The following CAMKK2 variants were observed in gnomAD, a reference collection of about 807,000 sequenced individuals.
CAMKK2 encodes the protein calcium/calmodulin-dependent protein kinase kinase 2.
In CAMKK2, 30 loss-of-function variants were observed where a neutral mutation model predicts 67.2. The ratio of observed to expected loss-of-function variants is 0.45; its 90% CI spans 0.33 to 0.61. CAMKK2 has a LOEUF of 0.61. CAMKK2 is among the 20% of genes least tolerant of loss of function. The pLI is 0.02. For missense variants in CAMKK2, 643 were observed against 802.0 expected, an observed-to-expected ratio of 0.80 and a Z score of 2.39; for synonymous variants, 322 against 326.2, an observed-to-expected ratio of 0.99 and a Z score of 0.14.
chr12:121,255,194 T>TTATATATATAATTATATATATAATTTTA (rs1891627997), intron 9 of CAMKK2, among the ~76,000 whole-genome samples: 1 of 62,290 alleles, frequency 1.6e-5, no homozygotes, highest in Non-Finnish European at 2.9e-5. Context: ...AAACTCCCCT[T>TTATATATATAATTATATATATAATTTTA]TATATATATA....
intron 1 of CAMKK2, among the ~76,000 whole-genome samples, chr12:121,276,839 T>G (rs1402607111): frequency 1.5e-5 from 2 of 129,044 alleles, no homozygotes; most frequent in African/African-American, 6.0e-5. Flanking sequence ...TGAGCTGAGG[T>G]TGCACCACTG....
At position 121,249,950 on chromosome 12, in the gene CAMKK2, G is replaced by C. The variant is rs1248199710; in HGVS notation, c.1235+11C>G. On this transcript the variant is annotated intron_variant, in intron 12 of 16. Transcript: ENST00000404169. ...GGACAGGAGAGATGCGGGACGGCGG[G>C]AGATACTCACTGGTCTGGAAATTCC... is the stretch of plus-strand genomic sequence containing the variant. 3.7e-6 allele frequency: 6 copies of C among 1,613,722 alleles called. No homozygotes were observed. The African/African-American group carries it at 8.0e-5, about 22-fold the overall frequency.
Position 121,295,950 on chromosome 12 carries a change from TG to T in CAMKK2, c.-60+687del, listed in dbSNP as rs758091968. On this transcript the variant is annotated intron_variant, in intron 1 of 16. Transcript: ENST00000404169. ...ACAGAGCCCCAATGCTGAGAGGGGCTGGGTCCAGTGTCCCTGAGAGTCAGGC... is the reference window on the plus strand; with the variant it reads ...ACAGAGCCCCAATGCTGAGAGGGGCTGGTCCAGTGTCCCTGAGAGTCAGGC... 3.0e-4 allele frequency among the ~76,000 whole-genome samples: 41 copies of T among 138,068 alleles called. No homozygotes were observed. In the East Asian group the frequency reaches 6.8e-3, roughly 23 times the overall value. The allele number at this position is 138,068 out of a possible 152,430, so 90.6% of individuals were successfully genotyped here.
intron 9 of CAMKK2, among the ~76,000 whole-genome samples, chr12:121,255,084 C>T (rs1045495714): frequency 2.0e-5 from 3 of 146,536 alleles, no homozygotes; most frequent in African/African-American, 7.6e-5. Flanking sequence ...TCAGACTCCA[C>T]GTTCTTTAGT....
chr12:121,279,276 G>A (rs1897317065), intron 1 of CAMKK2, among the ~76,000 whole-genome samples: 1 of 152,184 alleles, frequency 6.6e-6, no homozygotes, highest in Non-Finnish European at 1.5e-5. Flanking sequence ...GGCGCTGGCA[G>A]GGCAAGCGTG....
intron 1 of CAMKK2, among the ~76,000 whole-genome samples, chr12:121,281,342 T>C (rs1897752505): frequency 6.6e-6 from 1 of 152,290 alleles, no homozygotes; most frequent in African/African-American, 2.4e-5. Context: ...CAGGCTCCCC[T>C]GAGGTTGCCT....
chr12:121,268,606 T>C (rs1895110041), intron 5 of CAMKK2, 32 bp downstream of exon 5: 22 of 1,609,514 alleles, frequency 1.4e-5, no homozygotes, highest in South Asian at 2.2e-5. Context: ...TCCCAGCCCC[T>C]GTACCTAACA....
chr12:121,249,860 T>G lies in CAMKK2; in HGVS notation c.1250A>C (p.Glu417Ala). 1 of 1,614,092 alleles carries G rather than the reference T, an allele frequency of 6.2e-7. No individual in the cohort carries two copies. Among genetic ancestry groups the G allele is most frequent in the Non-Finnish European group, 8.5e-7 (1 of 1,179,986 alleles). The change falls in exon 13 of 17, where the codon GAG (glutamate) becomes GCG (alanine). Residue 417 changes from glutamate (E) to alanine (A), a missense_variant. This residue lies in a region of CAMKK2 where 483 missense variants were observed against 625.8 expected (regional missense o/e 0.77). Transcript: ENST00000404169. ...LEFPDQPDIA[E>A]DLKDLITRML... is the part of the protein sequence containing the mutation. ...ACGGGTGATCAGGTCCTTCAAGTCC[T>G]CAGCTATGTCGGGCCTGGGGATGGA...
In CAMKK2 at chr12:121,249,969, A is replaced by T. The variant is rs750349984; in HGVS notation, c.1227T>A (p.Phe409Leu). The change falls in exon 12 of 17, where the codon TTT becomes TTA. Residue 409 changes from phenylalanine (F) to leucine (L), a missense_variant. Coordinates refer to ENST00000404169, the MANE Select transcript of CAMKK2 (RefSeq NM_001270485.2). ...CGGCGGGAGATACTCACTGGTCTGG[A>T]AATTCCAGGGCCTGACTCTTGATCT... ...HSKIKSQALE[F>L]PDQPDIAEDL... is the part of the protein sequence containing the mutation. 7.4e-6 allele frequency: 12 copies of T among 1,614,120 alleles called. No homozygotes were observed. Among genetic ancestry groups the T allele is most frequent in the Non-Finnish European group, 1.0e-5 (12 of 1,179,986 alleles).
At chr12:121,258,284 A>C (rs1892752808) in intron 7 of CAMKK2, among the ~76,000 whole-genome samples, 1 of 152,068 alleles carries the variant, frequency 6.6e-6, no homozygotes, top group Non-Finnish European at 1.5e-5. Context: ...TTGGCCTCCC[A>C]AAGTGCTGAG....
intron 1 of CAMKK2, among the ~76,000 whole-genome samples, chr12:121,283,922 G>A (rs985401503): frequency 1.3e-5 from 2 of 152,232 alleles, no homozygotes; most frequent in Admixed American, 1.3e-4. Flanking sequence ...TTGAAGAACT[G>A]CACACTGATA....
intron 14 of CAMKK2, among the ~76,000 whole-genome samples, chr12:121,246,690 T>C (rs1889543890): frequency 6.6e-6 from 1 of 152,058 alleles, no homozygotes; most frequent in African/African-American, 2.4e-5. Flanking sequence ...CCTGTGGCCT[T>C]GTCAACCCAG....
intron 1 of CAMKK2, among the ~76,000 whole-genome samples, chr12:121,277,045 T>C (rs1410333535): frequency 6.6e-6 from 1 of 151,892 alleles, no homozygotes; most frequent in African/African-American, 2.4e-5. Context: ...AAGCCAGAGC[T>C]CCCTGGAGGA....
intron 1 of CAMKK2, among the ~76,000 whole-genome samples, chr12:121,278,359 G>T (rs1189305957): frequency 6.6e-6 from 1 of 152,214 alleles, no homozygotes; most frequent in Non-Finnish European, 1.5e-5. Context: ...GATAGTCATA[G>T]GATTAGATGA....
intron 5 of CAMKK2, among the ~76,000 whole-genome samples, chr12:121,266,123 G>A (rs897222954): frequency 4.6e-5 from 7 of 152,046 alleles, no homozygotes; most frequent in Non-Finnish European, 7.4e-5. Flanking sequence ...GTAGAGACAG[G>A]GGTCTCACTA....
intron 1 of CAMKK2, 61 bp from the exon 2 acceptor site, chr12:121,274,646 C>T (rs1896470898): frequency 5.9e-6 from 4 of 673,970 alleles, no homozygotes; most frequent in South Asian, 5.7e-5. Context: ...GAAAGGATCC[C>T]CTCTCCTCCT....
chr12:121,246,272 G>A (rs1481388630), intron 14 of CAMKK2, among the ~76,000 whole-genome samples: 11 of 151,428 alleles, frequency 7.3e-5, no homozygotes, highest in Admixed American at 3.3e-4. Context: ...GGAGGCGGGC[G>A]TGGTGGCTCA....
chr12:121,270,043 A>G (rs1045527584), intron 3 of CAMKK2, among the ~76,000 whole-genome samples: 2 of 150,930 alleles, frequency 1.3e-5, no homozygotes, highest in South Asian at 2.1e-4. Context: ...AGTGAAATTC[A>G]GTCTCAAAAA....
In CAMKK2 at chr12:121,274,072, G is replaced by C. The variant is rs184189303; in HGVS notation, c.455C>G (p.Ser152Cys). ...RRPTVESHHV[S>C]ITGMQDCVQL... ...CTCACGCACCTGCATACCCGTGATGGAGACGTGGTGAGACTCCACTGTCGG... is the reference window on the plus strand; with the variant it reads ...CTCACGCACCTGCATACCCGTGATGCAGACGTGGTGAGACTCCACTGTCGG... Residue 152 changes from serine (S) to cysteine (C), a missense_variant, in exon 2 of 17, where the codon TCC becomes TGC. By Grantham distance (112) the Ser-to-Cys change is moderately radical. Coordinates refer to ENST00000404169, the MANE Select transcript of CAMKK2 (RefSeq NM_001270485.2). The C allele has an allele frequency of 1.0e-4, 151 of 1,507,150 alleles. No homozygotes were observed. The East Asian group carries it at 3.1e-3, about 31-fold the overall frequency. The allele number at this position is 1,507,150 out of a possible 1,614,324, so 93.4% of individuals were successfully genotyped here.
Sources: allele counts gnomAD v4.1 joint callset (sites outside exome capture counted in the v4.1 genomes callset), GRCh38; gene constraint gnomAD v4.1.1; regional missense constraint gnomAD v4.1.1; transcripts MANE v1.5; gene names NCBI Gene and HGNC (gene_info 2026-07-23, HGNC 2026-07-21).